KDM4C: variants seen among roughly 807,000 people sequenced by gnomAD.
The protein encoded by KDM4C is lysine demethylase 4C.
KDM4C carries 81 observed loss-of-function variants against 129.3 expected under a neutral mutation model. The observed-to-expected ratio is 0.63, with a 90% CI of 0.52 to 0.75. The LOEUF is 0.75. Among genes scored for constraint, KDM4C ranks in the 30% least tolerant of loss-of-function variants. The pLI is 0.00. For synonymous variants in KDM4C, 573 were observed against 456.1 expected (o/e 1.26, Z -3.26); for missense variants, 1,457 against 1,304.0 (o/e 1.12, Z -1.81).
intron 1 of KDM4C, among the ~76,000 whole-genome samples, chr9:6,792,374 T>G (rs975141902): frequency 6.0e-5 from 9 of 149,834 alleles, no homozygotes; most frequent in Admixed American, 6.0e-4. Context: ...TTTATTTATT[T>G]ATTTTTTGAG....
chr9:6,803,551 C>G (rs994958080), intron 2 of KDM4C, among the ~76,000 whole-genome samples: 2 of 133,678 alleles, frequency 1.5e-5, no homozygotes, highest in African/African-American at 2.8e-5. Context: ...GCCTGGGCAA[C>G]AAGAGCAAAA....
chr9:6,968,457 C>G (rs1364062506), intron 8 of KDM4C, among the ~76,000 whole-genome samples: 2 of 152,166 alleles, frequency 1.3e-5, no homozygotes, highest in African/African-American at 4.8e-5. Flanking sequence ...ACTTTGTGTT[C>G]TGCTTAGTCA....
At chr9:7,114,073 A>C (rs1449163051) in intron 18 of KDM4C, among the ~76,000 whole-genome samples, 2 of 152,182 alleles carry the variant, frequency 1.3e-5, no homozygotes, top group African/African-American at 4.8e-5. Context: ...ATAGGTTAAA[A>C]CTGGTTTAAT....
rs115608899 is a variant in KDM4C at position 7,002,607 on chromosome 9, T to C, written c.1787-9091T>C. 5.2e-3 allele frequency among the ~76,000 whole-genome samples: 788 copies of C among 152,360 alleles called. 9 individuals carry two copies. Among genetic ancestry groups the C allele is most frequent in the African/African-American group, 0.018 (752 of 41,588 alleles). ...TTGACAGCTAAGTTTCCCAAGGATA[T>C]GCCAGCTTTCTTTAGGAGTTTTCTT... On this transcript the variant is annotated intron_variant, in intron 12 of 21. Transcript: ENST00000381309.
intron 17 of KDM4C, among the ~76,000 whole-genome samples, chr9:7,054,441 C>T (rs1311095959): frequency 6.6e-6 from 1 of 152,046 alleles, no homozygotes; most frequent in Non-Finnish European, 1.5e-5. Context: ...ATATAAAACA[C>T]ACATTAAGAC....
At chr9:6,733,249 C>T (rs1419969933) in intron 1 of KDM4C, among the ~76,000 whole-genome samples, 2 of 152,194 alleles carry the variant, frequency 1.3e-5, no homozygotes, top group African/African-American at 2.4e-5. Context: ...ACTCGAAAGA[C>T]AAAGCTGTGA....
At chr9:6,728,325 G>C (rs1448169858) in intron 1 of KDM4C, among the ~76,000 whole-genome samples, 2 of 152,056 alleles carry the variant, frequency 1.3e-5, no homozygotes, top group East Asian at 1.9e-4. Context: ...CACAAGGTCA[G>C]GAGTTTGAGA....
intron 4 of KDM4C, chr9:6,835,407 C>A: frequency 8.7e-7 from 1 of 1,150,206 alleles, no homozygotes; most frequent in South Asian, 1.2e-5. Flanking sequence ...AGATCACCGC[C>A]CTGGCGCCCA....
intron 8 of KDM4C, among the ~76,000 whole-genome samples, chr9:6,926,026 A>C (rs533769404): frequency 1.3e-5 from 2 of 152,278 alleles, no homozygotes; most frequent in African/African-American, 4.8e-5. Context: ...GCTTCCGAGC[A>C]TAGCCGCTGC....
chr9:6,994,436 C>T (rs1819323420), intron 12 of KDM4C, among the ~76,000 whole-genome samples: 1 of 152,188 alleles, frequency 6.6e-6, no homozygotes, highest in African/African-American at 2.4e-5. Flanking sequence ...ACCTCTACCG[C>T]CCATAGACTC....
chr9:7,060,866 AC>A (rs1318532649), intron 17 of KDM4C, among the ~76,000 whole-genome samples: 3 of 152,140 alleles, frequency 2.0e-5, no homozygotes, highest in Non-Finnish European at 2.9e-5. Context: ...GAGATGGTTT[AC>A]ATTGTCAAGT....
intron 8 of KDM4C, among the ~76,000 whole-genome samples, chr9:6,899,258 C>T (rs1269112370): frequency 1.3e-5 from 2 of 151,910 alleles, no homozygotes; most frequent in Admixed American, 6.6e-5. Flanking sequence ...ATGTGCATAG[C>T]CCCCCACATT....
intron 19 of KDM4C, among the ~76,000 whole-genome samples, chr9:7,151,495 G>A (rs564432865): frequency 5.6e-4 from 85 of 152,176 alleles, no homozygotes; most frequent in South Asian, 5.2e-3. Context: ...GGGCAACATA[G>A]CAAGACCTCA....
At chr9:7,167,681 T>C (rs10976084) in intron 20 of KDM4C, among the ~76,000 whole-genome samples, 24,479 of 152,254 alleles carry the variant, frequency 0.16, 2,132 homozygotes, top group Middle Eastern at 0.24. Flanking sequence ...CGTTCAATTG[T>C]ATGTTTGATC....
At chr9:6,990,613 A>G in intron 12 of KDM4C, 89 bp downstream of exon 12, 1 of 806,930 alleles carries the variant, frequency 1.2e-6, no homozygotes, top group Admixed American at 2.8e-5. Flanking sequence ...ATAGAAAAAA[A>G]ATTCAACAAG....
At chr9:6,875,508 A>G (rs1226538227) in intron 5 of KDM4C, among the ~76,000 whole-genome samples, 1 of 152,204 alleles carries the variant, frequency 6.6e-6, no homozygotes, top group African/African-American at 2.4e-5. Flanking sequence ...CTATGAAGTA[A>G]TCTTAGAAAT....
At chr9:7,169,996 T>G in intron 21 of KDM4C, 106 bp downstream of exon 21, 1 of 1,570,544 alleles carries the variant, frequency 6.4e-7, no homozygotes, top group Non-Finnish European at 8.6e-7. Context: ...TTGGATTAAT[T>G]CTAAAAAAAG....
chr9:6,939,961 C>T (rs62533835), intron 8 of KDM4C, among the ~76,000 whole-genome samples: 2,990 of 92,242 alleles, frequency 0.032, 42 homozygotes, highest in South Asian at 0.062. Context: ...CAATAACCAA[C>T]CTACCTACCT....
chr9:7,124,734 A>G (rs1214147881), intron 18 of KDM4C, among the ~76,000 whole-genome samples: 1 of 152,140 alleles, frequency 6.6e-6, no homozygotes, highest in Non-Finnish European at 1.5e-5. Context: ...TTACATACCT[A>G]CCGACACCTA....
Sources: gnomAD v4.1 joint callset for allele counts (sites outside exome capture counted in the v4.1 genomes callset) on GRCh38, gnomAD v4.1.1 for gene constraint, MANE v1.5 for transcripts, NCBI Gene and HGNC (gene_info 2026-07-23, HGNC 2026-07-21) for gene names.